CELF2: variants seen among roughly 807,000 people sequenced by gnomAD.
CELF2 encodes the protein CUGBP Elav-like family member 2.
In CELF2, 8 loss-of-function variants were observed where a neutral mutation model predicts 62.6. The observed-to-expected ratio is 0.13, with a 90% CI of 0.07 to 0.23. The LOEUF is 0.23. Ranked by LOEUF, CELF2 falls within the 10% of genes least tolerant of loss-of-function variation. The probability of loss-of-function intolerance (pLI) is 1.00; values close to 1 mark genes in which losing one functional copy is unlikely to be tolerated. For synonymous variants in CELF2, 258 were observed against 250.0 expected (o/e 1.03, Z -0.30); for missense variants, 333 against 671.0 (o/e 0.50, Z 5.56).
At chr10:11,283,718 G>A (rs1035228275) in intron 8 of CELF2, among the ~76,000 whole-genome samples, 7 of 151,918 alleles carry the variant, frequency 4.6e-5, no homozygotes, top group Non-Finnish European at 7.4e-5. Flanking sequence ...TGTCCTGGAG[G>A]GGGACTCCCT....
At chr10:11,133,553 A>G (rs1472549169) in intron 1 of CELF2, among the ~76,000 whole-genome samples, 3 of 152,182 alleles carry the variant, frequency 2.0e-5, no homozygotes, top group Non-Finnish European at 4.4e-5. Context: ...ATGTGTTACT[A>G]ATGTCAGAAC....
intron 1 of CELF2, among the ~76,000 whole-genome samples, chr10:10,898,580 C>T (rs757864805): frequency 3.3e-5 from 5 of 152,040 alleles, no homozygotes; most frequent in Admixed American, 3.3e-4. Context: ...AAGAAGATGT[C>T]GTAATTCTAA....
Position 11,110,034 on chromosome 10 carries a change from G to A in CELF2, c.75-55452G>A, listed in dbSNP as rs1362354710. Among the ~76,000 whole-genome samples the A allele has an allele frequency of 6.6e-6, 1 of 152,196 alleles. No homozygotes were observed. The highest frequency in any genetic ancestry group is 1.9e-4 in the East Asian group (1 of 5,196). ...AGCACTTTGAGAGGCTGAGGCAGGA[G>A]GATGGCTTGAGCTCGGGAGTTTGAG... On this transcript the variant is annotated intron_variant, in intron 1 of 12. Coordinates refer to ENST00000633077, the MANE Select transcript of CELF2 (RefSeq NM_001326342.2). The surrounding 1 kb of genome is among the most constrained non-coding windows in gnomAD (Gnocchi z 4.0).
In CELF2 at chr10:11,255,047, G is replaced by A. The variant is rs182515452; in HGVS notation, c.404-2691G>A. 2.0e-5 allele frequency among the ~76,000 whole-genome samples: 3 copies of A among 152,230 alleles called. No individual in the cohort carries two copies. Among genetic ancestry groups the A allele is most frequent in the Admixed American group, 6.5e-5 (1 of 15,300 alleles). ...ACGGCCTGCAGCAGGTGGTGTGGAC[G>A]GCCTGCAGGTACACTCGTTGCCCAG... On this transcript the variant is annotated intron_variant, in intron 4 of 12. Coordinates refer to ENST00000633077, the MANE Select transcript of CELF2 (RefSeq NM_001326342.2). The surrounding 1 kb of genome is among the most constrained non-coding windows in gnomAD (Gnocchi z 5.5).
In CELF2 at chr10:11,159,003, A is replaced by G. The variant is rs901044950; in HGVS notation, c.75-6483A>G. Among the ~76,000 whole-genome samples, 1 of 152,228 alleles carries G rather than the reference A, an allele frequency of 6.6e-6. No homozygotes were observed. Among genetic ancestry groups the G allele is most frequent in the Non-Finnish European group, 1.5e-5 (1 of 68,036 alleles). On this transcript the variant is annotated intron_variant, in intron 1 of 12. Coordinates refer to ENST00000633077, the MANE Select transcript of CELF2 (RefSeq NM_001326342.2). The surrounding 1 kb of genome is among the most constrained non-coding windows in gnomAD (Gnocchi z 5.0). ...TGAACCTTTTCTTCAGAGGAGCTCA[A>G]GCTATTTAATGACAATTTGACCATT... is the stretch of plus-strand genomic sequence containing the variant.
chr10:11,046,746 T>C lies in CELF2; in HGVS notation c.74+28583T>C, dbSNP rs1006139514. 1.3e-5 allele frequency among the ~76,000 whole-genome samples: 2 copies of C among 152,178 alleles called. No individual in the cohort carries two copies. The highest frequency in any genetic ancestry group is 2.9e-5 in the Non-Finnish European group (2 of 68,032). ...CCAAAGAGTTTTTGTAAATCCCATG[T>C]CTTTAATCTCATTTCGCTATTTCTC... On this transcript the variant is annotated intron_variant, in intron 1 of 12. Transcript: ENST00000633077. The surrounding 1 kb of genome is among the most constrained non-coding windows in gnomAD (Gnocchi z 4.6).
the CELF2 span, among the ~76,000 whole-genome samples, chr10:10,603,230 C>A: frequency 6.6e-6 from 1 of 151,924 alleles, no homozygotes; most frequent in Non-Finnish European, 1.5e-5. Flanking sequence ...GAAATTCAGT[C>A]ACGTAGGGAG....
intron 2 of CELF2, among the ~76,000 whole-genome samples, chr10:11,195,688 G>C (rs1445872470): frequency 6.6e-6 from 1 of 152,216 alleles, no homozygotes; most frequent in Non-Finnish European, 1.5e-5. Context: ...TACGCTTGCT[G>C]GAGAAGGGAA....
the CELF2 span, among the ~76,000 whole-genome samples, chr10:10,597,553 A>G: frequency 6.6e-6 from 1 of 152,246 alleles, no homozygotes; most frequent in Admixed American, 6.5e-5. Flanking sequence ...TGACTAAGAG[A>G]ACATTTTGAA....
chr10:11,228,162 G>A (rs937295007), intron 3 of CELF2, among the ~76,000 whole-genome samples: 2 of 152,162 alleles, frequency 1.3e-5, no homozygotes, highest in Non-Finnish European at 2.9e-5. Context: ...GCTTATAAAT[G>A]TTTTGTCTAC....
chr10:10,749,582 G>T, the CELF2 span, among the ~76,000 whole-genome samples: 2 of 152,202 alleles, frequency 1.3e-5, no homozygotes, highest in Non-Finnish European at 2.9e-5. Context: ...AGAATGGGAT[G>T]TTAAGCACCA....
At chr10:10,607,965 A>T in the CELF2 span, among the ~76,000 whole-genome samples, 1 of 152,074 alleles carries the variant, frequency 6.6e-6, no homozygotes. Context: ...TGTCTCTTCT[A>T]AAACTACAAA....
the CELF2 span, among the ~76,000 whole-genome samples, chr10:10,593,544 T>A: frequency 6.6e-6 from 1 of 152,144 alleles, no homozygotes; most frequent in East Asian, 1.9e-4. Context: ...AGTCCACACT[T>A]AATATGAGAG....
At chr10:10,605,256 CA>C in the CELF2 span, among the ~76,000 whole-genome samples, 1 of 151,712 alleles carries the variant, frequency 6.6e-6, no homozygotes, top group Admixed American at 6.6e-5. Context: ...GAACAACACA[CA>C]CTGAGGCTTG....
the CELF2 span, among the ~76,000 whole-genome samples, chr10:10,667,930 G>C: frequency 1.3e-5 from 2 of 152,076 alleles, no homozygotes; most frequent in African/African-American, 4.8e-5. Context: ...AAATCCCTTT[G>C]ACTAAATTGA....
intron 1 of CELF2, among the ~76,000 whole-genome samples, chr10:10,854,274 T>C (rs1416193684): frequency 6.6e-6 from 1 of 152,118 alleles, no homozygotes; most frequent in African/African-American, 2.4e-5. Context: ...AAGGAACAAT[T>C]TGGGGGAAGG....
At chr10:10,972,000 T>A (rs891718597) in intron 2 of CELF2, among the ~76,000 whole-genome samples, 2 of 152,242 alleles carry the variant, frequency 1.3e-5, no homozygotes, top group African/African-American at 4.8e-5. Context: ...ACATATACCA[T>A]CCTCATTTCT....
intron 2 of CELF2, among the ~76,000 whole-genome samples, chr10:11,172,863 A>C (rs2069411252): frequency 6.6e-6 from 1 of 152,148 alleles, no homozygotes; most frequent in Admixed American, 6.5e-5. Flanking sequence ...GCTTTTCTGG[A>C]ATTAAAGTAG....
At chr10:10,955,680 T>C (rs2048812228) in intron 2 of CELF2, among the ~76,000 whole-genome samples, 1 of 152,202 alleles carries the variant, frequency 6.6e-6, no homozygotes, top group Admixed American at 6.5e-5. Flanking sequence ...GGCTGAAATT[T>C]AAACCCAGAT....
Sources: allele counts gnomAD v4.1 joint callset (sites outside exome capture counted in the v4.1 genomes callset), GRCh38; gene constraint gnomAD v4.1.1; non-coding constraint Gnocchi (gnomAD v3.1); transcripts MANE v1.5; gene names NCBI Gene and HGNC (gene_info 2026-07-23, HGNC 2026-07-21).